Variants in RIN2 observed in about 807,000 individuals in gnomAD.
RIN2 encodes the protein Ras and Rab interactor 2.
A neutral mutation model predicts 78.0 loss-of-function variants in RIN2; 36 were observed. The observed-to-expected ratio is 0.46, with a 90% CI of 0.35 to 0.61. RIN2 has a LOEUF of 0.61. Ranked by LOEUF, RIN2 falls within the 20% of genes least tolerant of loss-of-function variation. The pLI is 0.00. For synonymous variants in RIN2, 466 were observed against 466.8 expected (o/e 1.00, Z 0.02); for missense variants, 1,087 against 1,159.7 (o/e 0.94, Z 0.91).
chr20:19,808,337 G>A (rs184336283), intron 2 of RIN2, among the ~76,000 whole-genome samples: 306 of 152,342 alleles, frequency 2.0e-3, no homozygotes, highest in African/African-American at 7.0e-3. Flanking sequence ...GTAGGAGTCA[G>A]GGGAAGGGGA....
At chr20:19,965,535 A>G (rs1010371258) in intron 7 of RIN2, among the ~76,000 whole-genome samples, 2 of 152,210 alleles carry the variant, frequency 1.3e-5, no homozygotes, top group Admixed American at 6.5e-5. Context: ...CTTCAGGCCA[A>G]CTGGGTGCTC....
intron 3 of RIN2, among the ~76,000 whole-genome samples, chr20:19,914,059 A>C (rs958425345): frequency 2.6e-5 from 4 of 152,172 alleles, no homozygotes; most frequent in Non-Finnish European, 5.9e-5. Context: ...CAACTACCAG[A>C]GTTTGCGGTC....
At chr20:19,780,814 T>G in intron 1 of RIN2, among the ~76,000 whole-genome samples, 1 of 152,190 alleles carries the variant, frequency 6.6e-6, no homozygotes, top group East Asian at 1.9e-4. Context: ...AAGGAGAAGA[T>G]TAAAGGAGCT....
rs544477954 is a variant in RIN2 at position 19,865,332 on chromosome 20, G to A, written c.-36-24234G>A. Among the ~76,000 whole-genome samples the A allele has an allele frequency of 2.6e-5, 4 of 152,176 alleles. No homozygotes were observed. The East Asian group carries it at 7.7e-4, about 29-fold the overall frequency. On this transcript the variant is annotated intron_variant, in intron 2 of 12. Transcript: ENST00000255006. ...CTGAGGAGGTACACTCAGGCCACTGGGTAAATGCCTCTGAAGAGCCAGAAA... is the reference window on the plus strand; with the variant it reads ...CTGAGGAGGTACACTCAGGCCACTGAGTAAATGCCTCTGAAGAGCCAGAAA...
At chr20:19,813,762 T>A (rs2122830330) in intron 2 of RIN2, among the ~76,000 whole-genome samples, 1 of 152,362 alleles carries the variant, frequency 6.6e-6, no homozygotes, top group South Asian at 2.1e-4. Context: ...TAAAAAGCAC[T>A]GGGTTTGAAT....
chr20:19,946,821 A>G (rs1409383612), intron 4 of RIN2, among the ~76,000 whole-genome samples: 2 of 151,992 alleles, frequency 1.3e-5, no homozygotes, highest in African/African-American at 4.8e-5. Flanking sequence ...ACCTGATGTC[A>G]GGAGTTCGAG....
chr20:19,826,505 T>G (rs1372075869), intron 2 of RIN2, among the ~76,000 whole-genome samples: 1 of 152,190 alleles, frequency 6.6e-6, no homozygotes, highest in Non-Finnish European at 1.5e-5. Context: ...ATTAGCTTCT[T>G]CTGCTATAGA....
At chr20:19,968,438 C>T (rs954933169) in intron 7 of RIN2, among the ~76,000 whole-genome samples, 4 of 152,160 alleles carry the variant, frequency 2.6e-5, no homozygotes, top group African/African-American at 7.2e-5. Context: ...AGTGAGAAGG[C>T]GTCCCTGTGT....
intron 3 of RIN2, among the ~76,000 whole-genome samples, chr20:19,898,031 T>C (rs779768553): frequency 5.3e-5 from 8 of 152,192 alleles, no homozygotes; most frequent in Non-Finnish European, 1.0e-4. Flanking sequence ...TATTTTTGGA[T>C]GCACACACAT....
intron 2 of RIN2, among the ~76,000 whole-genome samples, chr20:19,836,029 G>T (rs1324891420): frequency 2.0e-5 from 3 of 152,176 alleles, no homozygotes; most frequent in Non-Finnish European, 2.9e-5. Context: ...TGGTATTCCG[G>T]GCTACCAGAT....
At chr20:19,983,057 G>C (rs192804427) in intron 9 of RIN2, among the ~76,000 whole-genome samples, 5 of 152,286 alleles carry the variant, frequency 3.3e-5, no homozygotes, top group Admixed American at 1.3e-4. Context: ...CTTGTCTCAG[G>C]ATTGGCTTCT....
chr20:19,919,529 A>G (rs2039823587), intron 3 of RIN2, among the ~76,000 whole-genome samples: 1 of 152,136 alleles, frequency 6.6e-6, no homozygotes, highest in Non-Finnish European at 1.5e-5. Flanking sequence ...ATTTGTGGCC[A>G]GGTGCAGTGG....
At chr20:19,990,490 G>A (rs1431852421) in intron 10 of RIN2, among the ~76,000 whole-genome samples, 179 bp downstream of exon 10, 1 of 152,150 alleles carries the variant, frequency 6.6e-6, no homozygotes, top group Non-Finnish European at 1.5e-5. Flanking sequence ...ACATGCAACA[G>A]ATTAAAATGT....
intron 9 of RIN2, among the ~76,000 whole-genome samples, chr20:19,977,199 G>T (rs374542429): frequency 4.5e-4 from 69 of 152,242 alleles, no homozygotes; most frequent in African/African-American, 1.6e-3. Context: ...TCAGAGGGGG[G>T]TGCAGCCAGG....
intron 1 of RIN2, among the ~76,000 whole-genome samples, chr20:19,762,479 G>A (rs771284642): frequency 2.4e-4 from 36 of 152,190 alleles, no homozygotes; most frequent in Non-Finnish European, 2.1e-4. Flanking sequence ...GATTTGTTTC[G>A]TAGATTTTTC....
intron 2 of RIN2, among the ~76,000 whole-genome samples, chr20:19,881,475 G>A (rs139033118): frequency 1.3e-5 from 2 of 152,300 alleles, no homozygotes; most frequent in Non-Finnish European, 2.9e-5. Context: ...CAGGCAAGAT[G>A]TATCCTAGAG....
chr20:19,844,692 C>CTTCTTCTTCTTCTTCT (rs1555832328), intron 2 of RIN2, among the ~76,000 whole-genome samples: 3 of 117,626 alleles, frequency 2.6e-5, no homozygotes, highest in African/African-American at 1.0e-4. Flanking sequence ...CTTCCTCTTC[C>CTTCTTCTTCTTCTTCT]TCTTCCTCTT....
chr20:19,992,322 G>C lies in RIN2; in HGVS notation c.2200+23G>C, dbSNP rs778101414. 9 of 1,540,210 alleles carry C rather than the reference G, an allele frequency of 5.8e-6. No individual in the cohort carries two copies. In the Admixed American group the frequency reaches 1.2e-4, roughly 21 times the overall value. Reference sequence around the variant, plus strand: ...AAGGTAACTGCTTTTGAGAAAAGTTGAAGGAACTGGGTGCTATTTTTTTCA... The same window carrying C: ...AAGGTAACTGCTTTTGAGAAAAGTTCAAGGAACTGGGTGCTATTTTTTTCA... On this transcript the variant is annotated intron_variant, in intron 11 of 12. Coordinates refer to ENST00000255006, the MANE Select transcript of RIN2 (RefSeq NM_018993.4).
intron 7 of RIN2, among the ~76,000 whole-genome samples, chr20:19,966,906 G>GAC (rs10653532): frequency 0.024 from 3,542 of 150,278 alleles, 58 homozygotes; most frequent in African/African-American, 0.047. Flanking sequence ...GCCCCCAACA[G>GAC]ACACACACAC....
Sources: allele counts gnomAD v4.1 joint callset (sites outside exome capture counted in the v4.1 genomes callset), GRCh38; gene constraint gnomAD v4.1.1; transcripts MANE v1.5; gene names NCBI Gene and HGNC (gene_info 2026-07-23, HGNC 2026-07-21).